The following RPRD1A variants were observed in gnomAD, a reference collection of about 807,000 sequenced individuals.
RPRD1A encodes the protein regulation of nuclear pre-mRNA domain-containing protein 1A.
In RPRD1A, 9 loss-of-function variants were observed where a neutral mutation model predicts 37.8. The ratio of observed to expected loss-of-function variants is 0.24; its 90% CI spans 0.14 to 0.42. The LOEUF is 0.42. RPRD1A is among the 10% of genes least tolerant of loss of function. The probability of loss-of-function intolerance (pLI) is 1.00; values close to 1 mark genes in which losing one functional copy is unlikely to be tolerated. For synonymous variants in RPRD1A, 138 were observed against 139.7 expected (o/e 0.99, Z 0.08); for missense variants, 255 against 371.0 (o/e 0.69, Z 2.57).
chr18:36,022,192 G>A (rs1370197774), intron 6 of RPRD1A, among the ~76,000 whole-genome samples: 1 of 152,236 alleles, frequency 6.6e-6, no homozygotes, highest in African/African-American at 2.4e-5. Flanking sequence ...AGGTAAAGAA[G>A]CTACAGAAGC....
At chr18:35,993,391 C>G (rs964952763) in intron 6 of RPRD1A, 91 bp from the exon 7 acceptor site, 1 of 1,250,946 alleles carries the variant, frequency 8.0e-7, no homozygotes, top group Non-Finnish European at 1.1e-6. Flanking sequence ...ACTATATATA[C>G]TCAGTTAATG....
intron 1 of RPRD1A, among the ~76,000 whole-genome samples, chr18:36,035,802 T>C (rs1026048146): frequency 1.3e-5 from 2 of 151,954 alleles, no homozygotes; most frequent in Non-Finnish European, 2.9e-5. Context: ...CATGGATGAA[T>C]CTCCAGGACA....
intron 1 of RPRD1A, among the ~76,000 whole-genome samples, chr18:36,060,388 C>A (rs2088883475): frequency 6.6e-6 from 1 of 151,874 alleles, no homozygotes; most frequent in Non-Finnish European, 1.5e-5. Context: ...GAACCGAGAT[C>A]GCGCCACTGC....
chr18:36,048,025 T>C (rs60260867), intron 1 of RPRD1A, among the ~76,000 whole-genome samples: 290 of 150,882 alleles, frequency 1.9e-3, no homozygotes, highest in African/African-American at 6.9e-3. Flanking sequence ...AGGAAAACTA[T>C]AGACCAACCA....
At chr18:36,058,375 G>A (rs1913939715) in intron 1 of RPRD1A, among the ~76,000 whole-genome samples, 1 of 151,996 alleles carries the variant, frequency 6.6e-6, no homozygotes, top group South Asian at 2.1e-4. Context: ...ACTTCTACTT[G>A]TACATTTTGA....
intron 6 of RPRD1A, among the ~76,000 whole-genome samples, chr18:36,017,574 A>T (rs1019225237): frequency 6.6e-6 from 1 of 152,216 alleles, no homozygotes; most frequent in Non-Finnish European, 1.5e-5. Flanking sequence ...CACTTCTAAG[A>T]ACTGATACAG....
chr18:36,031,004 A>G lies in RPRD1A; in HGVS notation c.375T>C (p.Leu125=), dbSNP rs61731889. 1.2e-3 allele frequency: 1,866 copies of G among 1,598,944 alleles called. 22 individuals carry two copies. The African/African-American group carries it at 0.023, about 20-fold the overall frequency. The change falls in exon 3 of 7, where the codon CTT becomes CTC. Residue 125 remains leucine (L), a synonymous_variant. Coordinates refer to ENST00000399022, the MANE Select transcript of RPRD1A (RefSeq NM_018170.5). ...TTCTACACTTACACAGAGCTTGTTT[A>G]AGTTGTTCTAATACATCATTTTCAT... ...SVYENDVLEQ[L]KQALYGDKKP...
At chr18:36,033,319 A>AAAAC (rs1911945728) in intron 2 of RPRD1A, among the ~76,000 whole-genome samples, 1 of 151,160 alleles carries the variant, frequency 6.6e-6, no homozygotes, top group Admixed American at 6.6e-5. Context: ...AAAAAAAAAA[A>AAAAC]AAAAAAGAAT....
intron 6 of RPRD1A, among the ~76,000 whole-genome samples, chr18:36,017,644 A>G (rs952953858): frequency 1.1e-4 from 17 of 152,262 alleles, no homozygotes; most frequent in Admixed American, 1.1e-3. Context: ...AAGAAAGCGT[A>G]ACTGCCTATA....
intron 6 of RPRD1A, among the ~76,000 whole-genome samples, chr18:36,009,984 T>A (rs945961983): frequency 6.6e-6 from 1 of 152,200 alleles, no homozygotes; most frequent in Non-Finnish European, 1.5e-5. Flanking sequence ...ATTATATCTA[T>A]CTTTGCCATC....
chr18:36,012,969 C>T (rs769082037), intron 6 of RPRD1A, among the ~76,000 whole-genome samples: 6 of 152,162 alleles, frequency 3.9e-5, no homozygotes, highest in Admixed American at 6.5e-5. Context: ...TTAACAAGGA[C>T]AGCTGTGACT....
At position 36,031,226 on chromosome 18, in the gene RPRD1A, A is replaced by C. The variant is rs551192173; in HGVS notation, c.282-129T>G. ...CCTGGAAAAAACTGTCCAAATGTCT[A>C]CTTAGCATCACTATGTGGCCAGCAG... On this transcript the variant is annotated intron_variant, in intron 2 of 6. Transcript: ENST00000399022. The C allele has an allele frequency of 2.7e-6, 3 of 1,131,492 alleles. No homozygotes were observed. The East Asian group carries it at 8.1e-5, about 31-fold the overall frequency. 70.1% of individuals were successfully genotyped at this position (1,131,492 alleles called of 1,614,324 possible).
chr18:36,039,955 C>A (rs1325969512), intron 1 of RPRD1A, among the ~76,000 whole-genome samples: 1 of 151,992 alleles, frequency 6.6e-6, no homozygotes, highest in Non-Finnish European at 1.5e-5. Flanking sequence ...ATGAGCATTA[C>A]TACAGGTCTT....
chr18:36,037,086 C>G (rs758822853), intron 1 of RPRD1A, among the ~76,000 whole-genome samples: 3 of 152,176 alleles, frequency 2.0e-5, no homozygotes, highest in Non-Finnish European at 4.4e-5. Context: ...TACAAATTGG[C>G]AGATGATAGG....
At chr18:35,995,884 T>C (rs1909023017) in intron 6 of RPRD1A, among the ~76,000 whole-genome samples, 1 of 152,202 alleles carries the variant, frequency 6.6e-6, no homozygotes, top group Non-Finnish European at 1.5e-5. Context: ...CCCTGAAACA[T>C]ATGACTCCAC....
chr18:36,055,638 TAA>T (rs936033139), intron 1 of RPRD1A, among the ~76,000 whole-genome samples: 6 of 151,996 alleles, frequency 3.9e-5, no homozygotes, highest in South Asian at 2.1e-4. Flanking sequence ...CGTAACAAAT[TAA>T]AGTGATAATT....
intron 6 of RPRD1A, among the ~76,000 whole-genome samples, chr18:36,015,572 C>G (rs750661549): frequency 2.6e-5 from 4 of 152,132 alleles, no homozygotes; most frequent in Non-Finnish European, 5.9e-5. Context: ...TGGAAGCAAC[C>G]CAAGTATACA....
At chr18:36,046,975 T>C (rs1287621859) in intron 1 of RPRD1A, among the ~76,000 whole-genome samples, 1 of 149,918 alleles carries the variant, frequency 6.7e-6, no homozygotes, top group Non-Finnish European at 1.5e-5. Context: ...CAACACAAAG[T>C]AGAGATGTTA....
intron 1 of RPRD1A, chr18:36,040,694 C>T: frequency 3.6e-6 from 2 of 553,222 alleles, no homozygotes; most frequent in South Asian, 5.6e-5. Flanking sequence ...GGAATTTTGC[C>T]TTTCATTTTT....
Sources: allele counts gnomAD v4.1 joint callset (sites outside exome capture counted in the v4.1 genomes callset), GRCh38; gene constraint gnomAD v4.1.1; transcripts MANE v1.5; gene names NCBI Gene and HGNC (gene_info 2026-07-23, HGNC 2026-07-21).